PHACTR2: variants seen among roughly 807,000 people sequenced by gnomAD.
PHACTR2 encodes chromosome 6 open reading frame 56.
Under a neutral mutation model 76.0 loss-of-function variants are expected in PHACTR2, and 30 were observed. That is an observed-to-expected ratio of 0.39 (90% CI 0.30 to 0.54). PHACTR2 has a LOEUF of 0.54. Ranked by LOEUF, PHACTR2 falls within the 20% of genes least tolerant of loss-of-function variation. The probability of loss-of-function intolerance (pLI) is 0.61; values close to 1 mark genes in which losing one functional copy is unlikely to be tolerated. For synonymous variants in PHACTR2, 292 were observed against 292.5 expected, an observed-to-expected ratio of 1.00 and a Z score of 0.02; for missense variants, 696 against 781.1, an observed-to-expected ratio of 0.89 and a Z score of 1.30.
At chr6:143,600,316 C>T (rs78830891) in intron 1 of PHACTR2, among the ~76,000 whole-genome samples, 1,667 of 152,328 alleles carry the variant, frequency 0.011, 33 homozygotes, top group African/African-American at 0.038. Flanking sequence ...CTGTAACTGC[C>T]CTTTAAGCAA....
upstream of PHACTR2, among the ~76,000 whole-genome samples, chr6:143,607,177 A>T (rs910172123): frequency 2.6e-5 from 4 of 152,322 alleles, no homozygotes; most frequent in African/African-American, 9.6e-5. Flanking sequence ...CTGTTTTTTT[A>T]AAATTCTGTC....
Position 143,698,416 on chromosome 6 carries a change from T to C in PHACTR2, c.47-13600T>C, listed in dbSNP as rs997098780. Reference sequence around the variant, plus strand: ...AATTGTTTCTCTCAAGAGAATTAGGTGTACAAACCAAGGAATGTTAATCTT... The same window carrying C: ...AATTGTTTCTCTCAAGAGAATTAGGCGTACAAACCAAGGAATGTTAATCTT... On this transcript the variant is annotated intron_variant, in intron 1 of 12. Coordinates refer to ENST00000440869, the MANE Select transcript of PHACTR2 (RefSeq NM_001100164.2). The surrounding 1 kb of genome is among the most constrained non-coding windows in gnomAD (Gnocchi z 4.3). Among the ~76,000 whole-genome samples, 5 of 152,372 alleles carry C rather than the reference T, an allele frequency of 3.3e-5. No individual in the cohort carries two copies. Among genetic ancestry groups the C allele is most frequent in the East Asian group, 1.9e-4 (1 of 5,196 alleles).
intron 1 of PHACTR2, among the ~76,000 whole-genome samples, chr6:143,645,264 C>T (rs1776639857): frequency 2.7e-5 from 4 of 150,564 alleles, no homozygotes; most frequent in Non-Finnish European, 4.4e-5. Context: ...CATCAATCAA[C>T]GAGTGGAAAA....
intron 12 of PHACTR2, among the ~76,000 whole-genome samples, chr6:143,808,117 A>G (rs1233161885): frequency 6.8e-6 from 1 of 146,896 alleles, no homozygotes; most frequent in African/African-American, 2.5e-5. Flanking sequence ...TCAACTGACC[A>G]CAATCCAAAA....
In PHACTR2 at chr6:143,693,619, T is replaced by C. The variant is rs79482296; in HGVS notation, c.46+15410T>C. On this transcript the variant is annotated intron_variant, in intron 1 of 12. Transcript: ENST00000440869. ...AACCAATGTACAAACCAGGACTTAT[T>C]AGCAATGTCCCAAAGCACACTGCAT... Among the ~76,000 whole-genome samples, 1,044 of 152,338 alleles carry C rather than the reference T, an allele frequency of 6.9e-3. 14 individuals are homozygous for C. Among genetic ancestry groups the C allele is most frequent in the African/African-American group, 0.022 (933 of 41,582 alleles).
Position 143,777,843 on chromosome 6 carries a change from C to T in PHACTR2, c.1645+460C>T, listed in dbSNP as rs962450733. Among the ~76,000 whole-genome samples, 1 of 152,186 alleles carries T rather than the reference C, an allele frequency of 6.6e-6. No homozygotes were observed. The highest frequency in any genetic ancestry group is 1.5e-5 in the Non-Finnish European group (1 of 68,034). ...TCAAAACAAAATTTTCAATCCATTG[C>T]ATTTTCCTATGTTATGATAACTCGG... On this transcript the variant is annotated intron_variant, in intron 9 of 12. Coordinates refer to ENST00000440869, the MANE Select transcript of PHACTR2 (RefSeq NM_001100164.2). The surrounding 1 kb of genome is among the most constrained non-coding windows in gnomAD (Gnocchi z 4.6).
At chr6:143,725,793 A>G (rs943558469) in intron 2 of PHACTR2, among the ~76,000 whole-genome samples, 1 of 150,178 alleles carries the variant, frequency 6.7e-6, no homozygotes. Flanking sequence ...GCCACTGCAC[A>G]CCAGCCTGGC....
At position 143,816,479 on chromosome 6, in the gene PHACTR2, T is replaced by A. The variant is rs1028689126; in HGVS notation, c.1923-7195T>A. ...TGTTTTCCTTCTGGTTGTTACTTTT[T>A]ACCGAATCTGGGCAATCTATCTAAA... On this transcript the variant is annotated intron_variant, in intron 12 of 12. Transcript: ENST00000440869. The surrounding 1 kb of genome is among the most constrained non-coding windows in gnomAD (Gnocchi z 4.5). Among the ~76,000 whole-genome samples the A allele has an allele frequency of 3.3e-5, 5 of 152,210 alleles. No homozygotes were observed. The highest frequency in any genetic ancestry group is 1.2e-4 in the African/African-American group (5 of 41,454).
rs914455195 is a variant in PHACTR2 at position 143,766,542 on chromosome 6, A to G, written c.1232+744A>G. 3.3e-5 allele frequency among the ~76,000 whole-genome samples: 5 copies of G among 152,390 alleles called. 1 individual carries two copies. The South Asian group carries it at 6.2e-4, about 19-fold the overall frequency. ...ACATTGCGGAAGCAGCATTGAAGAT[A>G]AGATGACCCTATTGCTAGATTTTGT... On this transcript the variant is annotated intron_variant, in intron 6 of 12. Coordinates refer to ENST00000440869, the MANE Select transcript of PHACTR2 (RefSeq NM_001100164.2).
At chr6:143,559,011 T>C (rs1204388554) in intron 1 of PHACTR2, among the ~76,000 whole-genome samples, 1 of 152,208 alleles carries the variant, frequency 6.6e-6, no homozygotes, top group African/African-American at 2.4e-5. Flanking sequence ...GAAGCAGATA[T>C]GGTAGCTTTT....
At chr6:143,771,229 T>C (rs1207076511) in intron 6 of PHACTR2, among the ~76,000 whole-genome samples, 16 of 114,704 alleles carry the variant, frequency 1.4e-4, no homozygotes, top group African/African-American at 5.6e-4. Context: ...TATATATATA[T>C]ATATATGCTT....
chr6:143,691,547 T>C (rs1029099357), intron 1 of PHACTR2, among the ~76,000 whole-genome samples: 1 of 152,206 alleles, frequency 6.6e-6, no homozygotes. Context: ...AATGATGCAT[T>C]TCCCACAACA....
intron 1 of PHACTR2, among the ~76,000 whole-genome samples, chr6:143,703,756 C>T (rs1582789949): frequency 6.6e-6 from 1 of 152,070 alleles, no homozygotes; most frequent in South Asian, 2.1e-4. Flanking sequence ...CAATTTTCTT[C>T]TGAGCCAAGA....
chr6:143,631,211 G>A (rs541452202), intron 1 of PHACTR2, among the ~76,000 whole-genome samples: 17 of 152,088 alleles, frequency 1.1e-4, no homozygotes, highest in African/African-American at 3.9e-4. Flanking sequence ...GTTTTTTAGA[G>A]ACAGGGTCTC....
intron 1 of PHACTR2, among the ~76,000 whole-genome samples, chr6:143,706,663 G>A (rs1319666032): frequency 6.6e-6 from 1 of 152,120 alleles, no homozygotes; most frequent in Non-Finnish European, 1.5e-5. Flanking sequence ...TGATTCTTCT[G>A]TTCATTTTCT....
In PHACTR2 at chr6:143,570,541, T is replaced by C. The variant is rs1775434909; in HGVS notation, c.217+33334T>C. On this transcript the variant is annotated intron_variant, in intron 1 of 11. Coordinates refer to the PHACTR2 transcript ENST00000367584. The surrounding 1 kb of genome is among the most constrained non-coding windows in gnomAD (Gnocchi z 4.6). ...ATAGCTTTCTATCGATTGGCAGTTT[T>C]GTGCCTTTTCAGTTCAGCTCCCAGA... Among the ~76,000 whole-genome samples, 1 of 152,220 alleles carries C rather than the reference T, an allele frequency of 6.6e-6. No individual in the cohort carries two copies. The highest frequency in any genetic ancestry group is 2.4e-5 in the African/African-American group (1 of 41,460).
In PHACTR2 at chr6:143,794,371, T is replaced by G. The variant is rs1281974555; in HGVS notation, c.1845+5461T>G. Among the ~76,000 whole-genome samples, 1 of 151,480 alleles carries G rather than the reference T, an allele frequency of 6.6e-6. No homozygotes were observed. Among genetic ancestry groups the G allele is most frequent in the Non-Finnish European group, 1.5e-5 (1 of 67,880 alleles). On this transcript the variant is annotated intron_variant, in intron 11 of 12. Transcript: ENST00000440869. The surrounding 1 kb of genome is among the most constrained non-coding windows in gnomAD (Gnocchi z 4.1). ...TTAGATCAGATTTAAAATATTGTAT[T>G]AAGTTAATTCATGTAAAAATTATAA... is the stretch of plus-strand genomic sequence containing the variant.
Position 143,554,565 on chromosome 6 carries a change from G to A in PHACTR2, c.217+17358G>A, listed in dbSNP as rs1282407783. The A allele has an allele frequency of 2.0e-5, 3 of 152,256 alleles. No individual in the cohort carries two copies. The highest frequency in any genetic ancestry group is 4.4e-5 in the Non-Finnish European group (3 of 68,048). The allele number at this position is 152,256 out of a possible 1,614,324, so 9.4% of individuals were successfully genotyped here. A position where few individuals can be genotyped will look rare whatever the true frequency, so the allele number is the denominator to read the frequency against. On this transcript the variant is annotated intron_variant, in intron 1 of 11. Coordinates refer to the PHACTR2 transcript ENST00000367584. The surrounding 1 kb of genome is among the most constrained non-coding windows in gnomAD (Gnocchi z 5.9). ...GTTAGAGCAGTCTTGCTGAAGACAG[G>A]ACAGGATGATCAGCCCTCACCTGAG...
At chr6:143,808,909 C>G (rs11969823) in intron 12 of PHACTR2, among the ~76,000 whole-genome samples, 1 of 152,212 alleles carries the variant, frequency 6.6e-6, no homozygotes, top group East Asian at 1.9e-4. Flanking sequence ...AAAATGTATG[C>G]TAAAATGTGA....
Sources: gnomAD v4.1 joint callset for allele counts (sites outside exome capture counted in the v4.1 genomes callset) on GRCh38, gnomAD v4.1.1 for gene constraint, Gnocchi (gnomAD v3.1) non-coding constraint, MANE v1.5 for transcripts, NCBI Gene and HGNC (gene_info 2026-07-23, HGNC 2026-07-21) for gene names.